The following C5orf34 variants were observed in gnomAD, a reference collection of about 807,000 sequenced individuals.
The protein encoded by C5orf34 is chromosome 5 open reading frame 34.
In C5orf34, 73 loss-of-function variants were observed where a neutral mutation model predicts 78.4. The ratio of observed to expected loss-of-function variants is 0.93; its 90% CI spans 0.77 to 1.13. The LOEUF (loss-of-function observed/expected upper bound fraction) is 1.13, where lower values mean the gene tolerates loss of function less well. Ranked by LOEUF, C5orf34 falls within the 50% of genes most tolerant of loss-of-function variation. The pLI, the probability that C5orf34 is intolerant of heterozygous loss-of-function variation, is 0.00. For synonymous variants in C5orf34, 251 were observed against 246.6 expected (o/e 1.02, Z -0.17); for missense variants, 730 against 732.7 (o/e 1.00, Z 0.04).
In C5orf34 at chr5:43,486,994, T is replaced by C. The variant is rs763908529; in HGVS notation, c.1838A>G (p.Asn613Ser). Residue 613 changes from asparagine to serine, a missense_variant, in exon 13 of 13, where the codon AAT becomes AGT. Asn to Ser is a conservative substitution (Grantham distance 46). Transcript: ENST00000306862. Reference sequence around the variant, plus strand: ...TTTTTTCAATGCTATTGATACTCTATTTTCATTAACTTCTCCTAGCAAGGT... The same window carrying C: ...TTTTTTCAATGCTATTGATACTCTACTTTCATTAACTTCTCCTAGCAAGGT... ...SETLLGEVNE[N>S]RVSIALKKTS... 6.2e-5 allele frequency: 99 copies of C among 1,591,892 alleles called. No homozygotes were observed. Among genetic ancestry groups the C allele is most frequent in the Non-Finnish European group, 7.7e-5 (90 of 1,168,870 alleles).
At position 43,492,316 on chromosome 5, in the gene C5orf34, A is replaced by G. The variant is rs765518351; in HGVS notation, c.1486-7T>C. The G allele has an allele frequency of 6.4e-7, 1 of 1,554,270 alleles. No homozygotes were observed. Among genetic ancestry groups the G allele is most frequent in the East Asian group, 2.3e-5 (1 of 44,438 alleles). On this transcript the variant is annotated splice_region_variant and splice_polypyrimidine_tract_variant and intron_variant, in intron 9 of 12. Coordinates refer to ENST00000306862, the MANE Select transcript of C5orf34 (RefSeq NM_198566.4). Reference sequence around the variant, plus strand: ...AGTTAAGACCTTGATTTACCTGAAGAAGTAGAAAGATAAGTTTTATCATTT... The same window carrying G: ...AGTTAAGACCTTGATTTACCTGAAGGAGTAGAAAGATAAGTTTTATCATTT...
intron 8 of C5orf34, 121 bp from the exon 9 acceptor site, chr5:43,493,011 C>T: frequency 2.2e-6 from 1 of 449,298 alleles, no homozygotes. Context: ...TTATAAAATC[C>T]TTATATTTTA....
rs377095558 is a variant in C5orf34 at position 43,514,892 on chromosome 5, G to A, written c.-123C>T. On this transcript the variant is annotated 5_prime_UTR_variant, in exon 1 of 13. The change creates a new upstream start codon in the 5' untranslated region. Transcript: ENST00000306862. ...GCCAAAATGCTCTGGAAGCCGCAGC[G>A]TCGGCGCCTGCCCACCACTGCTTCT... The A allele has an allele frequency of 1.3e-5, 2 of 152,154 alleles. No homozygotes were observed. Among genetic ancestry groups the A allele is most frequent in the East Asian group, 1.9e-4 (1 of 5,194 alleles). 9.4% of individuals were successfully genotyped at this position (152,154 alleles called of 1,614,324 possible).
chr5:43,500,543 G>A (rs984914960), intron 6 of C5orf34, among the ~76,000 whole-genome samples: 5 of 152,086 alleles, frequency 3.3e-5, no homozygotes, highest in African/African-American at 1.2e-4. Context: ...TTACACACAA[G>A]CACCACCATG....
intron 3 of C5orf34, among the ~76,000 whole-genome samples, chr5:43,506,865 A>T (rs950945192): frequency 6.6e-6 from 1 of 152,152 alleles, no homozygotes; most frequent in African/African-American, 2.4e-5. Context: ...GGACTACCAT[A>T]AAAATTATTG....
intron 6 of C5orf34, chr5:43,495,686 C>A: frequency 1.3e-6 from 2 of 1,581,716 alleles, no homozygotes; most frequent in Non-Finnish European, 1.7e-6. Context: ...AGTACCAATA[C>A]CACCAATTTT....
rs2112281939 is a variant in C5orf34, at chr5:43,494,981, A to T, written c.1153-380T>A. 6 of 1,037,238 alleles carry T rather than the reference A, an allele frequency of 5.8e-6. No individual in the cohort carries two copies. The South Asian group carries it at 8.6e-5, about 15-fold the overall frequency. 64.3% of individuals were successfully genotyped at this position (1,037,238 alleles called of 1,614,324 possible). A position where few individuals can be genotyped will look rare whatever the true frequency, so the allele number is the denominator to read the frequency against. On this transcript the variant is annotated intron_variant, in intron 6 of 12. Transcript: ENST00000306862. The stretch of plus-strand genomic sequence containing the variant: ...TGTTATCATTAACCAGTCTTTCACT[A>T]CTAAACTTAAATGGCCAATTGAAAC...
rs149867361 is a variant in C5orf34, at chr5:43,491,463, A to G, written c.1581-734T>C. 8.7e-4 allele frequency among the ~76,000 whole-genome samples: 133 copies of G among 152,370 alleles called. 1 individual carries two copies. The highest frequency in any genetic ancestry group is 3.0e-3 in the African/African-American group (126 of 41,592). ...TTTACTGTAATAAATTAGATAAACC[A>G]AAAGAAAAAAAATTCATAAAAAGCT... On this transcript the variant is annotated intron_variant, in intron 10 of 12. Coordinates refer to ENST00000306862, the MANE Select transcript of C5orf34 (RefSeq NM_198566.4).
chr5:43,487,870 A>G (rs765388366), intron 12 of C5orf34, 39 bp downstream of exon 12: 5 of 1,460,754 alleles, frequency 3.4e-6, no homozygotes, highest in Middle Eastern at 1.8e-4. Flanking sequence ...AATGAAAGAG[A>G]GTAATTATGT....
intron 6 of C5orf34, among the ~76,000 whole-genome samples, chr5:43,499,793 G>A (rs904539578): frequency 2.6e-5 from 4 of 152,056 alleles, no homozygotes; most frequent in Admixed American, 1.3e-4. Context: ...TGTATGCATC[G>A]ACATCTACCT....
chr5:43,512,029 A>G (rs1188701881), intron 1 of C5orf34, among the ~76,000 whole-genome samples: 1 of 144,200 alleles, frequency 6.9e-6, no homozygotes, highest in Non-Finnish European at 1.5e-5. Flanking sequence ...GATCAACTAA[A>G]AAAAAAAAAA....
At chr5:43,510,997 A>G (rs1253161860) in intron 1 of C5orf34, 34 of 214,338 alleles carry the variant, frequency 1.6e-4, no homozygotes, top group Middle Eastern at 3.7e-3. Context: ...GGAAGTGAGG[A>G]GCGTCTCTGC....
In C5orf34 at chr5:43,492,736, G is replaced by A; in HGVS notation, c.1469C>T (p.Pro490Leu). The change falls in exon 9 of 13, where the codon CCT becomes CTT. Residue 490 changes from proline to leucine, a missense_variant. Pro to Leu is a moderately conservative substitution (Grantham distance 98). Transcript: ENST00000306862. Reference sequence around the variant, plus strand: ...TATACCCACCTGTCTCTTCTCAATAGGAGAGCTGAAATTCCAATTTAGGGT... The same window carrying A: ...TATACCCACCTGTCTCTTCTCAATAAGAGAGCTGAAATTCCAATTTAGGGT... ...TLTLNWNFSS[P>L]IEKRQVNQGL... 6.2e-7 allele frequency: 1 copy of A among 1,612,422 alleles called. No homozygotes were observed. Among genetic ancestry groups the A allele is most frequent in the Non-Finnish European group, 8.5e-7 (1 of 1,179,146 alleles).
chr5:43,501,029 C>T (rs753282763), intron 6 of C5orf34, among the ~76,000 whole-genome samples: 6 of 152,204 alleles, frequency 3.9e-5, no homozygotes, highest in Non-Finnish European at 7.3e-5. Flanking sequence ...AAGCCCAAGG[C>T]AGTCCACCAC....
At chr5:43,501,349 C>T (rs1561212649) in intron 6 of C5orf34, among the ~76,000 whole-genome samples, 1 of 151,978 alleles carries the variant, frequency 6.6e-6, no homozygotes, top group East Asian at 1.9e-4. Context: ...TCTAACTGAA[C>T]ACAAGACTGT....
chr5:43,493,542 C>G lies in C5orf34; in HGVS notation c.1314+1G>C. 6.6e-7 allele frequency: 1 copy of G among 1,504,968 alleles called. No homozygotes were observed. The highest frequency in any genetic ancestry group is 9.1e-7 in the Non-Finnish European group (1 of 1,093,722). 93.2% of individuals were successfully genotyped at this position (1,504,968 alleles called of 1,614,324 possible). A position where few individuals can be genotyped will look rare whatever the true frequency, so the allele number is the denominator to read the frequency against. On this transcript the variant is annotated splice_donor_variant, in intron 8 of 12. Coordinates refer to ENST00000306862, the MANE Select transcript of C5orf34 (RefSeq NM_198566.4). LOFTEE classifies it high-confidence loss of function. Reference sequence around the variant, plus strand: ...TTGCTTTTAAAATAATTTTAACATACCATTTTCCAGCAGCATATACGATAG... The same window carrying G: ...TTGCTTTTAAAATAATTTTAACATAGCATTTTCCAGCAGCATATACGATAG...
At chr5:43,497,625 T>C (rs187954863) in intron 6 of C5orf34, among the ~76,000 whole-genome samples, 3 of 152,316 alleles carry the variant, frequency 2.0e-5, no homozygotes, top group African/African-American at 7.2e-5. Context: ...CTGCAGCCTG[T>C]GAAATGGGGA....
chr5:43,486,989 C>T lies in C5orf34; in HGVS notation c.1843G>A (p.Val615Ile), dbSNP rs762539928. The stretch of plus-strand genomic sequence containing the variant: ...GAGGTTTTTTTCAATGCTATTGATA[C>T]TCTATTTTCATTAACTTCTCCTAGC... Reference protein sequence around the residue: ...TLLGEVNENRVSIALKKTSEI... With the variant: ...TLLGEVNENRISIALKKTSEI... The change falls in exon 13 of 13, where the codon GTA becomes ATA. Residue 615 changes from valine to isoleucine, a missense_variant. By Grantham distance (29) the Val-to-Ile change is conservative. Transcript: ENST00000306862. The T allele has an allele frequency of 6.3e-7, 1 of 1,589,258 alleles. No individual in the cohort carries two copies. The highest frequency in any genetic ancestry group is 8.6e-7 in the Non-Finnish European group (1 of 1,167,466).
intron 3 of C5orf34, among the ~76,000 whole-genome samples, chr5:43,507,812 C>T (rs955688837): frequency 4.6e-5 from 7 of 152,208 alleles, no homozygotes; most frequent in Non-Finnish European, 7.3e-5. Flanking sequence ...GGCGCGGTGG[C>T]TCACGCCTGT....
Sources: gnomAD v4.1 joint callset for allele counts (sites outside exome capture counted in the v4.1 genomes callset) on GRCh38, gnomAD v4.1.1 for gene constraint, MANE v1.5 for transcripts, NCBI Gene and HGNC (gene_info 2026-07-23, HGNC 2026-07-21) for gene names.